The following ANKRD30B variants were observed in gnomAD, a reference collection of about 807,000 sequenced individuals.
ANKRD30B encodes ankyrin repeat domain-containing protein 30B.
ANKRD30B carries 144 observed loss-of-function variants against 202.2 expected under a neutral mutation model. That is an observed-to-expected ratio of 0.71 (90% CI 0.62 to 0.82). The LOEUF (loss-of-function observed/expected upper bound fraction) is 0.82, where lower values mean the gene tolerates loss of function less well. Ranked by LOEUF, ANKRD30B falls within the 40% of genes least tolerant of loss-of-function variation. The probability of loss-of-function intolerance (pLI) is 0.00; values close to 1 mark genes in which losing one functional copy is unlikely to be tolerated. For synonymous variants in ANKRD30B, 508 were observed against 561.3 expected (o/e 0.91, Z 1.34); for missense variants, 1,487 against 1,669.1 (o/e 0.89, Z 1.90).
intron 12 of ANKRD30B, 58 bp from the exon 13 acceptor site, chr18:14,784,278 C>T: frequency 6.5e-7 from 1 of 1,528,894 alleles, no homozygotes; most frequent in Admixed American, 1.7e-5. Context: ...ACTGCATTCA[C>T]TCGGTTGGCT....
intron 15 of ANKRD30B, among the ~76,000 whole-genome samples, chr18:14,788,904 A>G (rs1199407630): frequency 6.6e-6 from 1 of 152,212 alleles, no homozygotes; most frequent in Non-Finnish European, 1.5e-5. Context: ...CTTTGGGTAT[A>G]CACCCAGTAA....
chr18:14,856,172 G>A (rs548312657), downstream of ANKRD30B, among the ~76,000 whole-genome samples: 7 of 146,596 alleles, frequency 4.8e-5, no homozygotes, highest in Middle Eastern at 3.4e-3. Context: ...AGGCAGAGGC[G>A]CTCCTCACTT....
intron 8 of ANKRD30B, among the ~76,000 whole-genome samples, chr18:14,770,606 T>G (rs558481678): frequency 6.6e-6 from 1 of 152,228 alleles, no homozygotes; most frequent in South Asian, 2.1e-4. Flanking sequence ...CCAGGATTGG[T>G]AGGAGTAAGG....
At chr18:14,897,497 T>C in the ANKRD30B span, among the ~76,000 whole-genome samples, 4 of 152,142 alleles carry the variant, frequency 2.6e-5, no homozygotes, top group Non-Finnish European at 5.9e-5. Flanking sequence ...GTAAATTTTC[T>C]GCAAATTGTG....
At chr18:14,790,329 C>T (rs1266018622) in intron 15 of ANKRD30B, among the ~76,000 whole-genome samples, 1 of 152,164 alleles carries the variant, frequency 6.6e-6, no homozygotes, top group Non-Finnish European at 1.5e-5. Flanking sequence ...ATCATGTCAT[C>T]TGCAAATAGG....
intron 9 of ANKRD30B, among the ~76,000 whole-genome samples, chr18:14,774,304 A>G (rs1318587778): frequency 6.6e-6 from 1 of 152,114 alleles, no homozygotes; most frequent in Non-Finnish European, 1.5e-5. Context: ...TTATTTAATG[A>G]CTGAAGCTCA....
chr18:14,889,778 A>G, the ANKRD30B span, among the ~76,000 whole-genome samples: 9 of 151,100 alleles, frequency 6.0e-5, no homozygotes, highest in Non-Finnish European at 1.2e-4. Flanking sequence ...CATTTTACAG[A>G]TGAAGAAACC....
rs1280432500 is a variant in ANKRD30B at position 14,796,352 on chromosome 18, G to T, written c.1864G>T (p.Gly622Ter). Residue 622 changes from glycine to a stop codon, truncating the protein, a stop_gained, in exon 18 of 44, where the codon GGA (glycine) becomes TGA (stop). Transcript: ENST00000690538. LOFTEE classifies it high-confidence loss of function. ...TTCCAAACCCATTTAGCCTACCTGT[G>T]GAAGGAAAGTTTCTCTTCCAAATAA... ...VKDGLLKPTC[G>*]RKVSLPNKAL... The T allele has an allele frequency of 6.9e-6, 11 of 1,585,808 alleles. No homozygotes were observed. Among genetic ancestry groups the T allele is most frequent in the Non-Finnish European group, 9.4e-6 (11 of 1,164,568 alleles).
At chr18:14,830,302 T>A (rs1351125240) in intron 33 of ANKRD30B, 1 of 152,736 alleles carries the variant, frequency 6.5e-6, no homozygotes, top group Non-Finnish European at 1.5e-5. Context: ...GTCTCTCTCC[T>A]TGGGTATAAG....
At chr18:14,853,542 T>TC (rs1471772463) in intron 42 of ANKRD30B, among the ~76,000 whole-genome samples, 1 of 151,828 alleles carries the variant, frequency 6.6e-6, no homozygotes, top group Non-Finnish European at 1.5e-5. Flanking sequence ...TGCCTTTTTT[T>TC]TTTTTTTGAG....
In ANKRD30B at chr18:14,822,466, T is replaced by A. The variant is rs750312318; in HGVS notation, c.2642-17T>A. ...AGGCTTGCGTATAATCAATTATATA[T>A]GTCCCTTTTCTTTTAGAGTCTCCTG... is the stretch of plus-strand genomic sequence containing the variant. On this transcript the variant is annotated splice_polypyrimidine_tract_variant and intron_variant, in intron 30 of 43. Coordinates refer to ENST00000690538, the MANE Select transcript of ANKRD30B (RefSeq NM_001367607.2). 31 of 1,277,718 alleles carry A rather than the reference T, an allele frequency of 2.4e-5. No individual in the cohort carries two copies. Among genetic ancestry groups the A allele is most frequent in the Non-Finnish European group, 3.2e-5 (29 of 892,646 alleles). The allele number at this position is 1,277,718 out of a possible 1,614,324, so 79.1% of individuals were successfully genotyped here.
chr18:14,752,667 C>T lies in ANKRD30B; in HGVS notation c.323C>T (p.Thr108Ile), dbSNP rs755789677. 1.1e-5 allele frequency: 18 copies of T among 1,604,204 alleles called. No individual in the cohort carries two copies. Residue 108 changes from threonine to isoleucine, a missense_variant, in exon 2 of 44, where the codon ACA (threonine) becomes ATA (isoleucine). This residue lies in a region of ANKRD30B where 889 missense variants were observed against 841.4 expected (regional missense o/e 1.06). Transcript: ENST00000690538. ...AATGTCCTTGATGGCGAAGGGAGGA[C>T]ACCTCTGATGAAGGTAAATAGTAGC... is the stretch of plus-strand genomic sequence containing the variant. ...QLNVLDGEGR[T>I]PLMKALQCER...
chr18:14,830,677 A>G (rs930472841), intron 33 of ANKRD30B, among the ~76,000 whole-genome samples: 4 of 152,262 alleles, frequency 2.6e-5, no homozygotes, highest in African/African-American at 9.6e-5. Context: ...ATTTTAGGTT[A>G]TCAAGTTTGT....
intron 16 of ANKRD30B, among the ~76,000 whole-genome samples, chr18:14,795,146 A>G (rs1019260671): frequency 9.9e-5 from 15 of 152,258 alleles, no homozygotes; most frequent in African/African-American, 3.6e-4. Flanking sequence ...GGTTAATGAT[A>G]TGTAAAAAGT....
the ANKRD30B span, among the ~76,000 whole-genome samples, chr18:14,886,727 A>G: frequency 1.3e-5 from 2 of 152,090 alleles, no homozygotes; most frequent in African/African-American, 2.4e-5. Flanking sequence ...CTGATTATGA[A>G]CAGATAGTCT....
intron 6 of ANKRD30B, among the ~76,000 whole-genome samples, chr18:14,761,195 CG>C: frequency 6.6e-6 from 1 of 152,192 alleles, no homozygotes; most frequent in Admixed American, 6.5e-5. Flanking sequence ...TTATAACCTG[CG>C]GGGGTCTATC....
At chr18:14,877,030 A>G in the ANKRD30B span, among the ~76,000 whole-genome samples, 1 of 152,222 alleles carries the variant, frequency 6.6e-6, no homozygotes, top group Admixed American at 6.5e-5. Flanking sequence ...ATTGGCCAAC[A>G]TTCCTGGCTT....
At chr18:14,758,356 A>G (rs1338742285) in intron 5 of ANKRD30B, among the ~76,000 whole-genome samples, 1 of 152,142 alleles carries the variant, frequency 6.6e-6, no homozygotes, top group Non-Finnish European at 1.5e-5. Context: ...ATTTTGCATA[A>G]GTCAGAAGGA....
the ANKRD30B span, among the ~76,000 whole-genome samples, chr18:14,906,436 A>G: frequency 1.3e-5 from 2 of 152,192 alleles, no homozygotes; most frequent in Admixed American, 1.3e-4. Flanking sequence ...TTTTAAAAAT[A>G]TTATTTTATT....
Sources: gnomAD v4.1 joint callset for allele counts (sites outside exome capture counted in the v4.1 genomes callset) on GRCh38, gnomAD v4.1.1 for gene constraint, gnomAD v4.1.1 regional missense constraint, MANE v1.5 for transcripts, NCBI Gene and HGNC (gene_info 2026-07-23, HGNC 2026-07-21) for gene names.